The following NAALADL2 variants were observed in gnomAD, a reference collection of about 807,000 sequenced individuals.
NAALADL2 encodes the protein inactive N-acetylated-alpha-linked acidic dipeptidase-like protein 2.
A neutral mutation model predicts 87.2 loss-of-function variants in NAALADL2; 76 were observed. The ratio of observed to expected loss-of-function variants is 0.87; its 90% CI spans 0.72 to 1.05. NAALADL2 has a LOEUF of 1.05. NAALADL2 is among the 50% of genes least tolerant of loss of function. The pLI is 0.00. For synonymous variants in NAALADL2, 354 were observed against 331.0 expected (o/e 1.07, Z -0.75); for missense variants, 1,089 against 945.8 (o/e 1.15, Z -1.99).
chr3:174,610,693 T>G (rs1719735701), intron 2 of NAALADL2, among the ~76,000 whole-genome samples: 1 of 151,468 alleles, frequency 6.6e-6, no homozygotes, highest in Non-Finnish European at 1.5e-5. Flanking sequence ...TGTGGAGAAA[T>G]AGGAACACTT....
chr3:174,752,946 T>TA (rs1200055170), intron 3 of NAALADL2, among the ~76,000 whole-genome samples: 1 of 152,210 alleles, frequency 6.6e-6, no homozygotes, highest in African/African-American at 2.4e-5. Context: ...CCTATACACA[T>TA]TTAATAGTAT....
Position 175,447,879 on chromosome 3 carries a change from G to A in NAALADL2, c.1234+507G>A, listed in dbSNP as rs78497365. Among the ~76,000 whole-genome samples, 172 of 152,314 alleles carry A rather than the reference G, an allele frequency of 1.1e-3. 1 individual carries two copies. The highest frequency in any genetic ancestry group is 3.9e-3 in the African/African-American group (163 of 41,570). On this transcript the variant is annotated intron_variant, in intron 6 of 13. Transcript: ENST00000454872. ...TGTCAGGCCTTGTTGGACCACGTAG[G>A]ATGAAACTGAAGTAGTTAAGCTACC... is the stretch of plus-strand genomic sequence containing the variant.
intron 2 of NAALADL2, among the ~76,000 whole-genome samples, chr3:175,216,131 A>G (rs1742480703): frequency 6.6e-6 from 1 of 152,174 alleles, no homozygotes; most frequent in Non-Finnish European, 1.5e-5. Context: ...TGATTTGTAA[A>G]ATTCTTTTGT....
At chr3:174,746,864 T>C (rs1316313421) in intron 3 of NAALADL2, among the ~76,000 whole-genome samples, 1 of 152,162 alleles carries the variant, frequency 6.6e-6, no homozygotes, top group African/African-American at 2.4e-5. Context: ...CTGGGAAAAC[T>C]GGCTAGCCAT....
At position 174,584,517 on chromosome 3, in the gene NAALADL2, A is replaced by G. The variant is rs573137965; in HGVS notation, c.-115+33880A>G. On this transcript the variant is annotated intron_variant, in intron 2 of 3. Transcript: ENST00000434257. ...GCTTCAACTTTCTACACATAGACGAACAAAAAATTATTTTCAAATGTTGCT... is the reference window on the plus strand; with the variant it reads ...GCTTCAACTTTCTACACATAGACGAGCAAAAAATTATTTTCAAATGTTGCT... 7.2e-5 allele frequency among the ~76,000 whole-genome samples: 11 copies of G among 152,212 alleles called. No homozygotes were observed. In the South Asian group the frequency reaches 1.2e-3, roughly 17 times the overall value.
chr3:175,151,236 G>C (rs540791494), intron 2 of NAALADL2, among the ~76,000 whole-genome samples: 9 of 152,166 alleles, frequency 5.9e-5, no homozygotes, highest in African/African-American at 2.2e-4. Flanking sequence ...TCAACAACTG[G>C]GCAGGCAGGC....
intron 13 of NAALADL2, among the ~76,000 whole-genome samples, chr3:175,796,559 G>A (rs932410873): frequency 1.3e-5 from 2 of 152,204 alleles, no homozygotes; most frequent in African/African-American, 2.4e-5. Context: ...CATGGACGTA[G>A]TATCGAAGTA....
chr3:174,891,630 CT>C (rs1730880863), intron 1 of NAALADL2, among the ~76,000 whole-genome samples: 1 of 152,164 alleles, frequency 6.6e-6, no homozygotes, highest in East Asian at 1.9e-4. Context: ...AGGGGAATCA[CT>C]GATCACACAG....
chr3:174,995,946 A>G (rs1240126682), intron 1 of NAALADL2, among the ~76,000 whole-genome samples: 1 of 152,160 alleles, frequency 6.6e-6, no homozygotes, highest in Non-Finnish European at 1.5e-5. Flanking sequence ...AGTTTCACTT[A>G]CTATGTGTCC....
chr3:174,750,140 C>A (rs2109034971), intron 3 of NAALADL2, among the ~76,000 whole-genome samples: 1 of 152,234 alleles, frequency 6.6e-6, no homozygotes, highest in Admixed American at 6.5e-5. Flanking sequence ...TATGGACATA[C>A]ATGCAAATAC....
intron 2 of NAALADL2, among the ~76,000 whole-genome samples, chr3:174,652,591 G>A (rs1724482905): frequency 6.6e-6 from 1 of 152,004 alleles, no homozygotes; most frequent in South Asian, 2.1e-4. Flanking sequence ...ACTATCACGA[G>A]AACAGTATGG....
intron 13 of NAALADL2, among the ~76,000 whole-genome samples, chr3:175,781,498 G>C (rs1333849760): frequency 6.6e-6 from 1 of 151,874 alleles, no homozygotes; most frequent in Non-Finnish European, 1.5e-5. Context: ...CCTGATACTT[G>C]ATGATTGATA....
At chr3:175,760,068 T>C (rs1279001942) in intron 13 of NAALADL2, among the ~76,000 whole-genome samples, 1 of 152,044 alleles carries the variant, frequency 6.6e-6, no homozygotes, top group Non-Finnish European at 1.5e-5. Flanking sequence ...TGATTTGATA[T>C]GTTGGTGTCA....
At chr3:175,686,823 A>C (rs535183662) in intron 11 of NAALADL2, among the ~76,000 whole-genome samples, 3 of 152,182 alleles carry the variant, frequency 2.0e-5, no homozygotes, top group Non-Finnish European at 4.4e-5. Context: ...AGGAAGCCCA[A>C]GGTCAGGGAG....
At chr3:175,013,952 A>G (rs73883303) in intron 1 of NAALADL2, among the ~76,000 whole-genome samples, 3,339 of 152,244 alleles carry the variant, frequency 0.022, 134 homozygotes, top group African/African-American at 0.077. Flanking sequence ...AGGTGCATGC[A>G]TTGCATCAGT....
At chr3:175,497,643 G>A (rs939545644) in intron 9 of NAALADL2, among the ~76,000 whole-genome samples, 1 of 151,810 alleles carries the variant, frequency 6.6e-6, no homozygotes, top group Admixed American at 6.6e-5. Context: ...TCTCAAGGTC[G>A]GTACTGTTCT....
chr3:175,636,565 G>A (rs1250309268), intron 11 of NAALADL2, among the ~76,000 whole-genome samples: 1 of 151,960 alleles, frequency 6.6e-6, no homozygotes, highest in Admixed American at 6.6e-5. Flanking sequence ...CAGATGTGGT[G>A]GCGGGTGCCT....
At chr3:175,480,319 A>G (rs1270858244) in intron 9 of NAALADL2, among the ~76,000 whole-genome samples, 1 of 151,802 alleles carries the variant, frequency 6.6e-6, no homozygotes, top group East Asian at 1.9e-4. Context: ...CTGAGACTGT[A>G]TAACCACATA....
intron 11 of NAALADL2, among the ~76,000 whole-genome samples, chr3:175,666,005 C>T (rs1371718198): frequency 2.0e-5 from 3 of 151,956 alleles, no homozygotes; most frequent in Non-Finnish European, 2.9e-5. Context: ...TGGAAGTAGA[C>T]AGATAATGAC....
Sources: gnomAD v4.1 joint callset for allele counts (sites outside exome capture counted in the v4.1 genomes callset) on GRCh38, gnomAD v4.1.1 for gene constraint, MANE v1.5 for transcripts, NCBI Gene and HGNC (gene_info 2026-07-23, HGNC 2026-07-21) for gene names.